UBE2E2: variants seen among roughly 807,000 people sequenced by gnomAD.
UBE2E2 encodes the protein ubiquitin-conjugating enzyme E2 E2.
UBE2E2 carries 6 observed loss-of-function variants against 24.7 expected under a neutral mutation model. That is an observed-to-expected ratio of 0.24 (90% confidence interval 0.13 to 0.48). The LOEUF is 0.48. Ranked by LOEUF, UBE2E2 falls within the 20% of genes least tolerant of loss-of-function variation. The pLI is 0.99. For missense variants in UBE2E2, 169 were observed against 245.0 expected (o/e 0.69, Z 2.07); for synonymous variants, 104 against 83.6 (o/e 1.24, Z -1.33).
At chr3:23,306,115 A>G (rs1699229362) in intron 3 of UBE2E2, among the ~76,000 whole-genome samples, 1 of 152,222 alleles carries the variant, frequency 6.6e-6, no homozygotes, top group Non-Finnish European at 1.5e-5. Context: ...ATTTACTAGC[A>G]ACCTACGTGG....
chr3:23,568,688 T>C (rs945648741), intron 5 of UBE2E2, among the ~76,000 whole-genome samples: 2 of 99,730 alleles, frequency 2.0e-5, no homozygotes, highest in Non-Finnish European at 4.1e-5. Flanking sequence ...TGTATACATA[T>C]ATACACACAT....
chr3:23,374,598 T>C (rs1696473252), intron 3 of UBE2E2, among the ~76,000 whole-genome samples: 1 of 152,186 alleles, frequency 6.6e-6, no homozygotes, highest in South Asian at 2.1e-4. Flanking sequence ...TAATATTGGC[T>C]CTAAATTCAT....
At chr3:23,212,014 T>G (rs930385888) in intron 2 of UBE2E2, among the ~76,000 whole-genome samples, 1 of 152,198 alleles carries the variant, frequency 6.6e-6, no homozygotes, top group Non-Finnish European at 1.5e-5. Context: ...TTGTAGTGAC[T>G]TAGGAAAAGT....
At chr3:23,541,102 T>C (rs1695387229) in intron 5 of UBE2E2, among the ~76,000 whole-genome samples, 1 of 152,244 alleles carries the variant, frequency 6.6e-6, no homozygotes, top group Non-Finnish European at 1.5e-5. Context: ...TCCAGATGAT[T>C]GAATGACATT....
intron 3 of UBE2E2, among the ~76,000 whole-genome samples, chr3:23,245,414 A>G (rs758933296): frequency 1.3e-4 from 20 of 152,176 alleles, no homozygotes; most frequent in Non-Finnish European, 2.9e-4. Flanking sequence ...TGAAGGTCAT[A>G]CAAAGCCAAA....
rs1478397660 is a variant in UBE2E2 at position 23,297,306 on chromosome 3, T to G, written c.227+79994T>G. On this transcript the variant is annotated intron_variant, in intron 3 of 5. Transcript: ENST00000396703. ...TTTCTTTTGCTGTGCAGAAGCTCTT[T>G]AGTTTAATTAGATCCCATTTGTCAA... Among the ~76,000 whole-genome samples the G allele has an allele frequency of 2.6e-5, 4 of 151,904 alleles. No homozygotes were observed. In the East Asian group the frequency reaches 7.7e-4, roughly 29 times the overall value.
At chr3:23,292,693 G>A (rs1698800844) in intron 3 of UBE2E2, among the ~76,000 whole-genome samples, 1 of 152,218 alleles carries the variant, frequency 6.6e-6, no homozygotes, top group South Asian at 2.1e-4. Context: ...GACAGCCTTG[G>A]CTCTGCCACT....
chr3:23,272,286 C>A (rs981433706), intron 3 of UBE2E2, among the ~76,000 whole-genome samples: 1 of 151,428 alleles, frequency 6.6e-6, no homozygotes, highest in African/African-American at 2.4e-5. Context: ...CGGGGCCGGC[C>A]GGCTTCTCTG....
At chr3:23,203,217 G>A (rs1031481471), upstream of UBE2E2, 5 of 987,478 alleles carry the variant, frequency 5.1e-6, no homozygotes, top group African/African-American at 3.5e-5. Context: ...AGCCTCAGGA[G>A]CCGGAGCTGG....
chr3:23,252,870 G>T lies in UBE2E2; in HGVS notation c.227+35558G>T, dbSNP rs534414869. Among the ~76,000 whole-genome samples, 172 of 152,262 alleles carry T rather than the reference G, an allele frequency of 1.1e-3. 2 individuals are homozygous for T. Among genetic ancestry groups the T allele is most frequent in the African/African-American group, 4.0e-3 (166 of 41,544 alleles). On this transcript the variant is annotated intron_variant, in intron 3 of 5. Transcript: ENST00000396703. ...CACATCAAATCTGCAGCATTGCCTT[G>T]TCATTCATTATGGAGTGTATTTTAC... is the stretch of plus-strand genomic sequence containing the variant.
intron 3 of UBE2E2, among the ~76,000 whole-genome samples, chr3:23,309,678 A>G (rs1396631681): frequency 6.6e-6 from 1 of 152,120 alleles, no homozygotes; most frequent in African/African-American, 2.4e-5. Flanking sequence ...CTTTGTCAAT[A>G]TTACCTCAAA....
chr3:23,208,513 T>C (rs919452635), intron 1 of UBE2E2, among the ~76,000 whole-genome samples, 179 bp from the exon 2 acceptor site: 25 of 152,200 alleles, frequency 1.6e-4, no homozygotes, highest in African/African-American at 6.0e-4. Flanking sequence ...TTAGAATACA[T>C]TTTGAATGGA....
intron 4 of UBE2E2, among the ~76,000 whole-genome samples, chr3:23,501,085 T>TA (rs540317069): frequency 3.9e-5 from 6 of 152,144 alleles, no homozygotes; most frequent in Non-Finnish European, 7.3e-5. Context: ...GACCAGCCCT[T>TA]ATGTCACCTG....
rs554987591 is a variant in UBE2E2 at position 23,239,839 on chromosome 3, C to A, written c.227+22527C>A. ...CTTTGAGTAGAAAGGACAGTTTTAT[C>A]CTCTTGATGTACAGAATTACAGAAT... On this transcript the variant is annotated intron_variant, in intron 3 of 5. Coordinates refer to ENST00000396703, the MANE Select transcript of UBE2E2 (RefSeq NM_152653.4). 4.6e-5 allele frequency among the ~76,000 whole-genome samples: 7 copies of A among 152,258 alleles called. No homozygotes were observed. The South Asian group carries it at 1.5e-3, about 32-fold the overall frequency.
At chr3:23,297,700 T>C (rs1359161092) in intron 3 of UBE2E2, among the ~76,000 whole-genome samples, 1 of 152,108 alleles carries the variant, frequency 6.6e-6, no homozygotes, top group Non-Finnish European at 1.5e-5. Flanking sequence ...CCTTGTAGTA[T>C]AGTTTGAAGT....
intron 4 of UBE2E2, among the ~76,000 whole-genome samples, chr3:23,530,929 G>C (rs1314436535): frequency 1.3e-5 from 2 of 152,044 alleles, no homozygotes; most frequent in African/African-American, 4.8e-5. Context: ...ATAATTTTTG[G>C]TTTTTAATTC....
At chr3:23,302,025 C>T (rs904425692) in intron 3 of UBE2E2, among the ~76,000 whole-genome samples, 2 of 151,924 alleles carry the variant, frequency 1.3e-5, no homozygotes, top group East Asian at 1.9e-4. Context: ...GACACATGTC[C>T]ATTCATCCTC....
intron 5 of UBE2E2, among the ~76,000 whole-genome samples, chr3:23,582,374 A>G (rs986276818): frequency 7.2e-5 from 11 of 152,292 alleles, no homozygotes; most frequent in African/African-American, 2.2e-4. Flanking sequence ...GAACATACAC[A>G]TACATGTTTC....
intron 3 of UBE2E2, among the ~76,000 whole-genome samples, chr3:23,259,791 C>T (rs1268016465): frequency 2.0e-5 from 3 of 152,124 alleles, no homozygotes; most frequent in African/African-American, 7.2e-5. Flanking sequence ...TAAGAGGACC[C>T]TCGAGAGTTT....
Sources: gnomAD v4.1 joint callset for allele counts (sites outside exome capture counted in the v4.1 genomes callset) on GRCh38, gnomAD v4.1.1 for gene constraint, MANE v1.5 for transcripts, NCBI Gene and HGNC (gene_info 2026-07-23, HGNC 2026-07-21) for gene names.